NCAPH2: variants seen among roughly 807,000 people sequenced by gnomAD.
The protein encoded by NCAPH2 is non-SMC condensin II complex subunit H2.
Under a neutral mutation model 88.6 loss-of-function variants are expected in NCAPH2, and 56 were observed. The ratio of observed to expected loss-of-function variants is 0.63; its 90% CI spans 0.51 to 0.79. NCAPH2 has a LOEUF of 0.79. NCAPH2 is among the 30% of genes least tolerant of loss of function. NCAPH2 has a pLI of 0.00. For missense variants in NCAPH2, 794 were observed against 792.0 expected (o/e 1.00, Z -0.03); for synonymous variants, 378 against 313.6 (o/e 1.21, Z -2.17).
intron 1 of NCAPH2, among the ~76,000 whole-genome samples, chr22:50,512,010 A>T (rs1411784390): frequency 6.6e-6 from 1 of 150,530 alleles, no homozygotes; most frequent in Non-Finnish European, 1.5e-5. Flanking sequence ...CTGGTCTTGA[A>T]CTCTTGACCT....
At chr22:50,515,343 TG>T (rs2068885626) in intron 1 of NCAPH2, among the ~76,000 whole-genome samples, 1 of 151,362 alleles carries the variant, frequency 6.6e-6, no homozygotes, top group Admixed American at 6.6e-5. Context: ...GGAGGATCAC[TG>T]GAGGCCAGGA....
intron 9 of NCAPH2, chr22:50,519,622 C>G (rs567221002): frequency 1.6e-6 from 2 of 1,216,846 alleles, no homozygotes; most frequent in East Asian, 3.7e-5. Flanking sequence ...CAAGGCGCCT[C>G]TCTGCAGTCG....
rs890291397 is a variant in NCAPH2 at position 50,522,197 on chromosome 22, C to T, written c.1179C>T (p.Tyr393=). Residue 393 remains tyrosine, a synonymous_variant, in exon 14 of 20, where the codon TAC becomes TAT. Transcript: ENST00000420993. ...GPSFADMEVL[Y]WTHVKEQLET... is the part of the protein sequence containing the mutation. ...TGTCTGCAGACATGGAGGTCCTGTACTGGACACACGTGAAGGAGCAGTTGG... is the reference window on the plus strand; with the variant it reads ...TGTCTGCAGACATGGAGGTCCTGTATTGGACACACGTGAAGGAGCAGTTGG... 6.2e-7 allele frequency: 1 copy of T among 1,613,768 alleles called. No homozygotes were observed. Among genetic ancestry groups the T allele is most frequent in the Non-Finnish European group, 8.5e-7 (1 of 1,179,912 alleles).
chr22:50,519,700 G>T, intron 9 of NCAPH2: 1 of 1,083,524 alleles, frequency 9.2e-7, no homozygotes, highest in African/African-American at 1.6e-5. Flanking sequence ...ACTGTACCCA[G>T]CCTAGAGCCA....
At chr22:50,510,150 T>A (rs572650900) in intron 1 of NCAPH2, among the ~76,000 whole-genome samples, 2 of 152,330 alleles carry the variant, frequency 1.3e-5, no homozygotes, top group African/African-American at 4.8e-5. Flanking sequence ...CTCGATCTCC[T>A]GACCTCGTGA....
At position 50,522,375 on chromosome 22, in the gene NCAPH2, G is replaced by C. The variant is rs1240008433; in HGVS notation, c.1266G>C (p.Glu422Asp). 3.7e-6 allele frequency: 6 copies of C among 1,608,402 alleles called. No individual in the cohort carries two copies. The highest frequency in any genetic ancestry group is 3.3e-5 in the South Asian group (3 of 90,400). Reference sequence around the variant, plus strand: ...AGCAGTGGCTGCGGCCTGCAGAGGAGGACCACCTGGAGGATTCCCTGGAAG... The same window carrying C: ...AGCAGTGGCTGCGGCCTGCAGAGGACGACCACCTGGAGGATTCCCTGGAAG... ...VAEQWLRPAE[E>D]DHLEDSLEDL... The change falls in exon 15 of 20, where the codon GAG (glutamate) becomes GAC (aspartate). Residue 422 changes from glutamate (E) to aspartate (D), a missense_variant. Glu to Asp is a conservative substitution (Grantham distance 45). This residue lies in a region of NCAPH2 where 735 missense variants were observed against 696.3 expected (regional missense o/e 1.06). Transcript: ENST00000420993.
At position 50,522,538 on chromosome 22, in the gene NCAPH2, G is replaced by C; in HGVS notation, c.1344G>C (p.Glu448Asp). ...AGCCTGAGGAGTACATGGAGCCCGA[G>C]GGAGCAGACCCCAGGGAAGCCGCTG... ...FLEPEEYMEP[E>D]GADPREAADL... The change falls in exon 16 of 20, where the codon GAG becomes GAC. Residue 448 changes from glutamate to aspartate, a missense_variant. By Grantham distance (45) the Glu-to-Asp change is conservative. Transcript: ENST00000420993. 7 of 1,613,788 alleles carry C rather than the reference G, an allele frequency of 4.3e-6. No homozygotes were observed. The highest frequency in any genetic ancestry group is 5.9e-6 in the Non-Finnish European group (7 of 1,179,976).
intron 1 of NCAPH2, among the ~76,000 whole-genome samples, chr22:50,514,725 C>T (rs949960994): frequency 3.9e-5 from 6 of 152,194 alleles, no homozygotes; most frequent in South Asian, 2.1e-4. Context: ...CCTTACACTC[C>T]GTAGACGACC....
In NCAPH2 at chr22:50,524,173, GC is replaced by G. The variant is rs2069220045; in HGVS notation, c.*801del. The G allele has an allele frequency of 3.7e-6, 6 of 1,609,814 alleles. No homozygotes were observed. The highest frequency in any genetic ancestry group is 4.2e-6 in the Non-Finnish European group (5 of 1,179,984). Reference sequence around the variant, plus strand: ...TTGCTGCTGCAGCCTCTCCTTCTCAGCCCTCAGGGCCAGCCAGGCCCCACCG... The same window carrying G: ...TTGCTGCTGCAGCCTCTCCTTCTCAGCCTCAGGGCCAGCCAGGCCCCACCG... On this transcript the variant is annotated 3_prime_UTR_variant, in exon 20 of 20. Transcript: ENST00000420993.
At chr22:50,515,610 A>T in intron 1 of NCAPH2, 1 of 764,730 alleles carries the variant, frequency 1.3e-6, no homozygotes. Context: ...GTTAGCCAGG[A>T]TGGTCTCGAT....
Position 50,523,666 on chromosome 22 carries a change from T to C in NCAPH2, c.*291T>C. ...GTGCCGCCGCACACTGTCTGAGATC[T>C]GCTCAGCCGATCTGCTCCGGCCGTA... On this transcript the variant is annotated 3_prime_UTR_variant, in exon 20 of 20. Transcript: ENST00000420993. 6.2e-7 allele frequency: 1 copy of C among 1,614,068 alleles called. No homozygotes were observed. The highest frequency in any genetic ancestry group is 8.5e-7 in the Non-Finnish European group (1 of 1,180,024).
intron 10 of NCAPH2, among the ~76,000 whole-genome samples, chr22:50,521,295 G>A (rs1281665422): frequency 6.6e-6 from 1 of 152,224 alleles, no homozygotes; most frequent in Non-Finnish European, 1.5e-5. Flanking sequence ...GCTTTGGGAA[G>A]GCGGCTGTGC....
intron 2 of NCAPH2, among the ~76,000 whole-genome samples, chr22:50,516,995 G>A (rs1299865442): frequency 6.6e-6 from 1 of 152,246 alleles, no homozygotes. Context: ...AGCTGGGACA[G>A]GGCAGGGCCA....
At chr22:50,508,937 A>G (rs1326675455) in intron 1 of NCAPH2, among the ~76,000 whole-genome samples, 2 of 152,148 alleles carry the variant, frequency 1.3e-5, no homozygotes, top group South Asian at 2.1e-4. Context: ...TGTCTGCTCC[A>G]TATTTGCGCT....
intron 8 of NCAPH2, among the ~76,000 whole-genome samples, 157 bp downstream of exon 8, chr22:50,518,889 G>C (rs953915195): frequency 6.6e-5 from 10 of 152,182 alleles, no homozygotes; most frequent in Non-Finnish European, 4.4e-5. Flanking sequence ...CGGGGAAGCA[G>C]CCACAGCCCC....
chr22:50,518,959 C>T (rs1408477277), intron 8 of NCAPH2, among the ~76,000 whole-genome samples: 2 of 152,182 alleles, frequency 1.3e-5, no homozygotes, highest in East Asian at 1.9e-4. Context: ...CCTGGGTCTC[C>T]TCTCTGGGCA....
At chr22:50,521,643 C>T in intron 11 of NCAPH2, 34 bp downstream of exon 11, 3 of 1,613,080 alleles carry the variant, frequency 1.9e-6, no homozygotes, top group Non-Finnish European at 2.5e-6. Context: ...ACTCAGGTAC[C>T]CCTGGCTGGG....
chr22:50,514,966 G>A (rs564015954), intron 1 of NCAPH2, among the ~76,000 whole-genome samples: 1 of 152,178 alleles, frequency 6.6e-6, no homozygotes, highest in Non-Finnish European at 1.5e-5. Context: ...CTGCCTTCAC[G>A]TTCCCTTCAT....
chr22:50,510,020 G>T (rs2068742258), intron 1 of NCAPH2, among the ~76,000 whole-genome samples: 4 of 152,112 alleles, frequency 2.6e-5, no homozygotes, highest in Admixed American at 2.6e-4. Context: ...CGCCTCCTGG[G>T]TTCACATCAT....
Sources: gnomAD v4.1 joint callset for allele counts (sites outside exome capture counted in the v4.1 genomes callset) on GRCh38, gnomAD v4.1.1 for gene constraint, gnomAD v4.1.1 regional missense constraint, MANE v1.5 for transcripts, NCBI Gene and HGNC (gene_info 2026-07-23, HGNC 2026-07-21) for gene names.